Variants in EPB41L5 observed in about 807,000 individuals in gnomAD.
The protein encoded by EPB41L5 is band 4.1-like protein 5.
In EPB41L5, 55 loss-of-function variants were observed where a neutral mutation model predicts 106.6. The observed-to-expected ratio is 0.52, with a 90% CI of 0.42 to 0.65. EPB41L5 has a LOEUF of 0.65. Ranked by LOEUF, EPB41L5 falls within the 30% of genes least tolerant of loss-of-function variation. The pLI is 0.00. For missense variants in EPB41L5, 871 were observed against 882.1 expected (o/e 0.99, Z 0.16); for synonymous variants, 297 against 306.7 (o/e 0.97, Z 0.33).
At position 120,077,367 on chromosome 2, in the gene EPB41L5, G is replaced by A. The variant is rs778331293; in HGVS notation, c.714+51G>A. 1.1e-5 allele frequency: 16 copies of A among 1,514,656 alleles called. No homozygotes were observed. The South Asian group carries it at 1.3e-4, about 12-fold the overall frequency. The allele number at this position is 1,514,656 out of a possible 1,614,324, so 93.8% of individuals were successfully genotyped here. On this transcript the variant is annotated intron_variant, in intron 9 of 24. Coordinates refer to ENST00000263713, the MANE Select transcript of EPB41L5 (RefSeq NM_020909.4). ...TTAAAAATTTATTCTTTGGAGGTTC[G>A]CAGTGACTGTGGAATTTTTCAGTAT...
At chr2:120,022,672 A>G (rs1451860074) in intron 2 of EPB41L5, among the ~76,000 whole-genome samples, 3 of 152,172 alleles carry the variant, frequency 2.0e-5, no homozygotes, top group Admixed American at 2.0e-4. Context: ...CAGTAAGATG[A>G]TTTATAATTC....
Position 120,125,471 on chromosome 2 carries a change from T to A in EPB41L5, c.1338-2217T>A, listed in dbSNP as rs150780592. Among the ~76,000 whole-genome samples the A allele has an allele frequency of 9.6e-4, 146 of 152,294 alleles. 2 individuals are homozygous for A. The Middle Eastern group carries it at 0.034, about 35-fold the overall frequency. ...CAAATGTGCAGATTCATATGTTGAATTTTCCTAAGAACACTCCCTGTGCCA... is the reference window on the plus strand; with the variant it reads ...CAAATGTGCAGATTCATATGTTGAAATTTCCTAAGAACACTCCCTGTGCCA... On this transcript the variant is annotated intron_variant, in intron 16 of 24. Transcript: ENST00000263713.
chr2:120,143,131 G>A lies in EPB41L5; in HGVS notation c.1728G>A (p.Lys576=). 6.3e-7 allele frequency: 1 copy of A among 1,586,262 alleles called. No homozygotes were observed. The highest frequency in any genetic ancestry group is 8.5e-7 in the Non-Finnish European group (1 of 1,169,642). ...ILKAQVEAVH[K]VTKEDSLLSH... is the part of the protein sequence containing the mutation. ...AGGCTCAAGTAGAAGCAGTGCATAAGGTAAGCTGCCTTTGATAGATAGCCC... is the reference window on the plus strand; with the variant it reads ...AGGCTCAAGTAGAAGCAGTGCATAAAGTAAGCTGCCTTTGATAGATAGCCC... The change falls in exon 19 of 25, where the codon AAG becomes AAA. Residue 576 remains lysine (K), a splice_region_variant and synonymous_variant. Transcript: ENST00000263713.
chr2:120,150,062 T>G (rs1442272269), intron 20 of EPB41L5, among the ~76,000 whole-genome samples: 1 of 152,050 alleles, frequency 6.6e-6, no homozygotes, highest in Non-Finnish European at 1.5e-5. Context: ...TCGGCTAAGT[T>G]TTTTTTCATT....
chr2:120,064,452 G>A (rs983419252), intron 3 of EPB41L5, among the ~76,000 whole-genome samples: 3 of 152,174 alleles, frequency 2.0e-5, no homozygotes, highest in Non-Finnish European at 4.4e-5. Flanking sequence ...TAACAATAGG[G>A]TCTGGGGTGA....
intron 3 of EPB41L5, 133 bp from the exon 4 acceptor site, chr2:120,073,045 C>A: frequency 1.4e-6 from 1 of 697,236 alleles, no homozygotes; most frequent in Non-Finnish European, 2.4e-6. Flanking sequence ...TTCTCATTCA[C>A]TTGGGTTTTT....
At chr2:120,046,225 TC>T (rs959264952) in intron 3 of EPB41L5, among the ~76,000 whole-genome samples, 1 of 152,156 alleles carries the variant, frequency 6.6e-6, no homozygotes, top group African/African-American at 2.4e-5. Context: ...CCTTGAGGAA[TC>T]CCCACACTGT....
At chr2:120,139,047 C>T (rs1686059856) in intron 18 of EPB41L5, among the ~76,000 whole-genome samples, 1 of 151,856 alleles carries the variant, frequency 6.6e-6, no homozygotes, top group African/African-American at 2.4e-5. Flanking sequence ...AGTGAGCTTA[C>T]TTTTGACAAA....
chr2:120,134,590 C>T (rs1401297851), intron 18 of EPB41L5, among the ~76,000 whole-genome samples: 2 of 152,162 alleles, frequency 1.3e-5, no homozygotes, highest in African/African-American at 4.8e-5. Flanking sequence ...GCATGCAGCT[C>T]ACTGAGAAGA....
Position 120,093,242 on chromosome 2 carries a change from C to G in EPB41L5, c.1151-7C>G. Reference sequence around the variant, plus strand: ...CTAATGAGGTGTTATCTTTTTTCTTCTGTTAGCATGTGCTACAAAACCTGA... The same window carrying G: ...CTAATGAGGTGTTATCTTTTTTCTTGTGTTAGCATGTGCTACAAAACCTGA... On this transcript the variant is annotated splice_region_variant and splice_polypyrimidine_tract_variant and intron_variant, in intron 13 of 24. Coordinates refer to ENST00000263713, the MANE Select transcript of EPB41L5 (RefSeq NM_020909.4). The G allele has an allele frequency of 6.2e-7, 1 of 1,612,516 alleles. No individual in the cohort carries two copies. Among genetic ancestry groups the G allele is most frequent in the Non-Finnish European group, 8.5e-7 (1 of 1,178,694 alleles).
rs997165118 is a variant in EPB41L5, at chr2:120,113,559, A to C, written c.1337+12745A>C. ...ACGTTTAAAAAAATTTAAGTGTATA[A>C]TTCAGTGGGTTTAGTTTATTCACAA... On this transcript the variant is annotated intron_variant, in intron 16 of 24. Transcript: ENST00000263713. Among the ~76,000 whole-genome samples, 4 of 152,220 alleles carry C rather than the reference A, an allele frequency of 2.6e-5. No homozygotes were observed. The East Asian group carries it at 7.7e-4, about 29-fold the overall frequency.
chr2:120,138,530 C>T (rs1475879132), intron 18 of EPB41L5, among the ~76,000 whole-genome samples: 1 of 151,986 alleles, frequency 6.6e-6, no homozygotes, highest in Non-Finnish European at 1.5e-5. Context: ...AGCATTTCTA[C>T]ATGCCAACAG....
Position 120,138,171 on chromosome 2 carries a change from G to GA in EPB41L5, c.1600-4823dup, listed in dbSNP as rs796955138. 2.3e-4 allele frequency among the ~76,000 whole-genome samples: 34 copies of GA among 150,024 alleles called. No individual in the cohort carries two copies. In the East Asian group the frequency reaches 4.5e-3, roughly 20 times the overall value. On this transcript the variant is annotated intron_variant, in intron 18 of 24. Coordinates refer to ENST00000263713, the MANE Select transcript of EPB41L5 (RefSeq NM_020909.4). ...AAGTTCAATATCCCTTTGTGATTAA[G>GA]AAAAAAAAACTAAAAAAACTGGGTA...
chr2:120,065,644 G>A (rs1574575008), intron 3 of EPB41L5, among the ~76,000 whole-genome samples: 2 of 151,772 alleles, frequency 1.3e-5, no homozygotes, highest in African/African-American at 4.8e-5. Flanking sequence ...AGCCTCCCGA[G>A]TAGCTGGGAT....
chr2:120,144,370 A>G (rs1406226722), intron 19 of EPB41L5, among the ~76,000 whole-genome samples: 2 of 152,184 alleles, frequency 1.3e-5, no homozygotes, highest in African/African-American at 4.8e-5. Context: ...TGAGGAATAA[A>G]TATTTGTTAT....
At position 120,166,727 on chromosome 2, in the gene EPB41L5, C is replaced by T. The variant is rs143663208; in HGVS notation, c.1963-739C>T. 1.6e-3 allele frequency among the ~76,000 whole-genome samples: 246 copies of T among 152,326 alleles called. 3 individuals carry two copies. The highest frequency in any genetic ancestry group is 5.4e-3 in the African/African-American group (223 of 41,570). On this transcript the variant is annotated intron_variant, in intron 22 of 24. Transcript: ENST00000263713. The stretch of plus-strand genomic sequence containing the variant: ...CTGGGGTTACAGGCGTGCGCCACTG[C>T]GCCCAGCCTGTGTTTTTATTCTTTT...
chr2:120,042,669 TGAAA>T (rs1228185236), intron 3 of EPB41L5, among the ~76,000 whole-genome samples: 2 of 152,162 alleles, frequency 1.3e-5, no homozygotes, highest in Non-Finnish European at 1.5e-5. Flanking sequence ...GGAGGATGTT[TGAAA>T]GAAAGTGGCA....
chr2:120,122,090 G>T (rs1372583478), intron 16 of EPB41L5, among the ~76,000 whole-genome samples: 5 of 152,012 alleles, frequency 3.3e-5, no homozygotes, highest in Non-Finnish European at 7.4e-5. Flanking sequence ...TTGTCAGATG[G>T]GTAGATTGCA....
rs184402388 is a variant in EPB41L5 at position 120,176,090 on chromosome 2, C to T, written c.*1183C>T. On this transcript the variant is annotated 3_prime_UTR_variant, in exon 25 of 25. Coordinates refer to ENST00000263713, the MANE Select transcript of EPB41L5 (RefSeq NM_020909.4). ...ATTCTGGATGTTAAAATAATATATA[C>T]TCATCACAGAAAAATAAAGTATAGC... is the stretch of plus-strand genomic sequence containing the variant. 11 of 152,718 alleles carry T rather than the reference C, an allele frequency of 7.2e-5. No individual in the cohort carries two copies. Among genetic ancestry groups the T allele is most frequent in the East Asian group, 1.9e-4 (1 of 5,186 alleles). 9.5% of individuals were successfully genotyped at this position (152,718 alleles called of 1,614,324 possible). A position where few individuals can be genotyped will look rare whatever the true frequency, so the allele number is the denominator to read the frequency against.
Sources: gnomAD v4.1 joint callset for allele counts (sites outside exome capture counted in the v4.1 genomes callset) on GRCh38, gnomAD v4.1.1 for gene constraint, MANE v1.5 for transcripts, NCBI Gene and HGNC (gene_info 2026-07-23, HGNC 2026-07-21) for gene names.